MTA3: variants seen among roughly 807,000 people sequenced by gnomAD.
MTA3 encodes metastasis-associated protein MTA3.
Under a neutral mutation model 83.5 loss-of-function variants are expected in MTA3, and 34 were observed. That is an observed-to-expected ratio of 0.41 (90% CI 0.31 to 0.54). The LOEUF is 0.54. MTA3 is among the 20% of genes least tolerant of loss of function. MTA3 has a pLI of 0.33. For missense variants in MTA3, 761 were observed against 726.4 expected (o/e 1.05, Z -0.55); for synonymous variants, 303 against 252.7 (o/e 1.20, Z -1.89).
rs539108449 is a variant in MTA3 at position 42,644,769 on chromosome 2, T to C, written c.499+525T>C. On this transcript the variant is annotated intron_variant, in intron 6 of 16. Coordinates refer to ENST00000405094, the MANE Select transcript of MTA3 (RefSeq NM_001330442.2). ...TGTGATCAGTGATCTTAGAGGTAAC[T>C]ATTGTAATTGTTTTTGGGGCCACGA... 2.3e-3 allele frequency among the ~76,000 whole-genome samples: 351 copies of C among 152,298 alleles called. 1 individual carries two copies. Among genetic ancestry groups the C allele is most frequent in the Non-Finnish European group, 4.2e-3 (287 of 68,028 alleles).
At chr2:42,627,997 G>A (rs889227713) in intron 4 of MTA3, among the ~76,000 whole-genome samples, 2 of 151,680 alleles carry the variant, frequency 1.3e-5, no homozygotes, top group African/African-American at 2.4e-5. Flanking sequence ...TGATTCTCCC[G>A]CCTCAGCCTC....
At chr2:42,590,647 C>T (rs994731804) in intron 3 of MTA3, among the ~76,000 whole-genome samples, 8 of 129,562 alleles carry the variant, frequency 6.2e-5, no homozygotes, top group East Asian at 4.5e-4. Flanking sequence ...GGTGGAGTCT[C>T]GCTCGCTCTG....
intron 2 of MTA3, among the ~76,000 whole-genome samples, chr2:42,520,350 C>T (rs1458119924): frequency 3.3e-5 from 5 of 152,258 alleles, no homozygotes; most frequent in African/African-American, 1.2e-4. Context: ...TGTCCCAGAG[C>T]AAACCAATGA....
chr2:42,755,797 G>A lies in MTA3; in HGVS notation c.*2398G>A, dbSNP rs1315370610. The A allele has an allele frequency of 5.1e-6, 5 of 985,394 alleles. No homozygotes were observed. Among genetic ancestry groups the A allele is most frequent in the Non-Finnish European group, 4.8e-6 (4 of 829,990 alleles). The allele number at this position is 985,394 out of a possible 1,614,324, so 61.0% of individuals were successfully genotyped here. A position where few individuals can be genotyped will look rare whatever the true frequency, so the allele number is the denominator to read the frequency against. The stretch of plus-strand genomic sequence containing the variant: ...TGGTTCAGTGAGCACATGGGTGGAC[G>A]TGCAGAGACTGTCTGCGCAGCCCCC... On this transcript the variant is annotated 3_prime_UTR_variant, in exon 17 of 17. Transcript: ENST00000405094.
At position 42,614,643 on chromosome 2, in the gene MTA3, A is replaced by G. The variant is rs368987949; in HGVS notation, c.317+5059A>G. ...ATATTAATATATAACCCAGTCTTAT[A>G]TATAACTCGTGTAATATAGTGAATT... On this transcript the variant is annotated intron_variant, in intron 4 of 16. Transcript: ENST00000405094. Among the ~76,000 whole-genome samples the G allele has an allele frequency of 4.0e-5, 6 of 151,526 alleles. No individual in the cohort carries two copies. In the East Asian group the frequency reaches 7.7e-4, roughly 19 times the overall value.
At chr2:42,652,608 A>T (rs2104347951) in intron 6 of MTA3, among the ~76,000 whole-genome samples, 1 of 152,276 alleles carries the variant, frequency 6.6e-6, no homozygotes, top group South Asian at 2.1e-4. Context: ...GGCTTCCCAA[A>T]GTGCTGGGGT....
rs1185279900 is a variant in MTA3 at position 42,704,263 on chromosome 2, G to T, written c.1095G>T (p.Gly365=). Residue 365 remains glycine, a synonymous_variant, in exon 12 of 17, where the codon GGG becomes GGT. Transcript: ENST00000405094. ...CTGGTGCTGTGAATGGAGCTGTGGG[G>T]ACCACGTTCCAGCCTCAGAATCCTC... is the stretch of plus-strand genomic sequence containing the variant. ...GKPGAVNGAV[G]TTFQPQNPLL... 1.2e-6 allele frequency: 2 copies of T among 1,613,950 alleles called. No individual in the cohort carries two copies. The highest frequency in any genetic ancestry group is 1.1e-5 in the South Asian group (1 of 91,064).
intron 7 of MTA3, among the ~76,000 whole-genome samples, chr2:42,657,560 C>G (rs1338373514): frequency 6.6e-6 from 1 of 152,038 alleles, no homozygotes; most frequent in Non-Finnish European, 1.5e-5. Flanking sequence ...TGTATGTTTC[C>G]CCTCAAAGCC....
intron 2 of MTA3, among the ~76,000 whole-genome samples, chr2:42,576,605 A>G (rs905578710): frequency 6.6e-6 from 1 of 151,400 alleles, no homozygotes; most frequent in African/African-American, 2.4e-5. Context: ...CATCTCTGAA[A>G]AAAACCAAAA....
At chr2:42,615,613 C>G (rs1193338063) in intron 4 of MTA3, among the ~76,000 whole-genome samples, 1 of 151,328 alleles carries the variant, frequency 6.6e-6, no homozygotes, top group African/African-American at 2.4e-5. Flanking sequence ...CTCGGCGTCC[C>G]AAAGTGCTGG....
At chr2:42,667,673 C>T (rs1690407869) in intron 8 of MTA3, among the ~76,000 whole-genome samples, 1 of 150,266 alleles carries the variant, frequency 6.7e-6, no homozygotes, top group African/African-American at 2.5e-5. Context: ...CTTGCTCTGT[C>T]CCTCAGCCTG....
At chr2:42,679,073 A>G (rs971957321) in intron 8 of MTA3, among the ~76,000 whole-genome samples, 4 of 152,172 alleles carry the variant, frequency 2.6e-5, no homozygotes, top group South Asian at 2.1e-4. Flanking sequence ...AGGTTCTACA[A>G]TGAGCAAATA....
rs769220479 is a variant in MTA3, at chr2:42,609,525, G to A, written c.258G>A (p.Leu86=). The A allele has an allele frequency of 6.2e-7, 1 of 1,613,870 alleles. No individual in the cohort carries two copies. The highest frequency in any genetic ancestry group is 8.5e-7 in the Non-Finnish European group (1 of 1,179,826). The change falls in exon 4 of 17, where the codon TTG becomes TTA. Residue 86 remains leucine, a synonymous_variant. Coordinates refer to ENST00000405094, the MANE Select transcript of MTA3 (RefSeq NM_001330442.2). The stretch of plus-strand genomic sequence containing the variant: ...TGACCGATAAGCAGAAACATCAGTT[G>A]AAACATAGGGAACTCTTTTTGTCAC... ...ADLTDKQKHQ[L]KHRELFLSRQ...
intron 2 of MTA3, among the ~76,000 whole-genome samples, chr2:42,542,202 G>A (rs1044964037): frequency 5.3e-5 from 8 of 152,270 alleles, no homozygotes; most frequent in African/African-American, 1.7e-4. Flanking sequence ...CTTCCCGTAC[G>A]CCAGTCAGCT....
chr2:42,617,416 A>G (rs1023390162), intron 4 of MTA3, among the ~76,000 whole-genome samples: 16 of 152,338 alleles, frequency 1.1e-4, no homozygotes, highest in African/African-American at 3.8e-4. Context: ...ATATCAAAAA[A>G]TGTTTTGATA....
intron 16 of MTA3, among the ~76,000 whole-genome samples, chr2:42,725,426 A>G (rs996800450): frequency 2.0e-5 from 3 of 152,260 alleles, no homozygotes; most frequent in South Asian, 2.1e-4. Context: ...ATTAGGTTCT[A>G]TCAGCAAAGT....
intron 4 of MTA3, among the ~76,000 whole-genome samples, chr2:42,628,206 T>TTTTATTTATTTATTTA (rs144338385): frequency 0.016 from 2,291 of 142,566 alleles, 23 homozygotes; most frequent in Admixed American, 0.026. Context: ...CTTCTTATCG[T>TTTTATTTATTTATTTA]TTTATTTATT....
Position 42,656,219 on chromosome 2 carries a change from A to G in MTA3, c.519A>G (p.Glu173=), listed in dbSNP as rs1461763862. 3 of 1,613,558 alleles carry G rather than the reference A, an allele frequency of 1.9e-6. No individual in the cohort carries two copies. The African/African-American group carries it at 4.0e-5, about 22-fold the overall frequency. The change falls in exon 7 of 17, where the codon GAA becomes GAG. Residue 173 remains glutamate, a synonymous_variant. Coordinates refer to ENST00000405094, the MANE Select transcript of MTA3 (RefSeq NM_001330442.2). The part of the protein sequence containing the change: ...MLLEGESDER[E]QSKLEVKVWD... Reference sequence around the variant, plus strand: ...GGACAGGAGAATCAGATGAGAGGGAACAATCAAAATTGGAAGTTAAAGTTT... The same window carrying G: ...GGACAGGAGAATCAGATGAGAGGGAGCAATCAAAATTGGAAGTTAAAGTTT...
chr2:42,503,000 G>T (rs1345374839), intron 2 of MTA3, among the ~76,000 whole-genome samples: 2 of 151,712 alleles, frequency 1.3e-5, no homozygotes, highest in Non-Finnish European at 2.9e-5. Flanking sequence ...AAAAAAAAAG[G>T]AAAGGGGTCC....
Sources: gnomAD v4.1 joint callset for allele counts (sites outside exome capture counted in the v4.1 genomes callset) on GRCh38, gnomAD v4.1.1 for gene constraint, MANE v1.5 for transcripts, NCBI Gene and HGNC (gene_info 2026-07-23, HGNC 2026-07-21) for gene names.